The following ZNF143 variants were observed in gnomAD, a reference collection of about 807,000 sequenced individuals.
ZNF143 encodes zinc finger protein 143, also known as SPH-binding factor.
In ZNF143, 49 loss-of-function variants were observed where a neutral mutation model predicts 74.1. That is an observed-to-expected ratio of 0.66 (90% CI 0.53 to 0.84). The LOEUF is 0.84. Ranked by LOEUF, ZNF143 falls within the 40% of genes least tolerant of loss-of-function variation. The pLI is 0.00. For missense variants in ZNF143, 637 were observed against 793.4 expected, an observed-to-expected ratio of 0.80 and a Z score of 2.37; for synonymous variants, 304 against 282.8, an observed-to-expected ratio of 1.07 and a Z score of -0.75.
chr11:9,527,840 C>A lies in ZNF143; in HGVS notation c.*227C>A. On this transcript the variant is annotated 3_prime_UTR_variant, in exon 16 of 16. Transcript: ENST00000396602. The stretch of plus-strand genomic sequence containing the variant: ...TGTACAAGGAAGTATGAAATTAGGG[C>A]AATACAGTAAATTTTCATGTTACTC... 2 of 413,572 alleles carry A rather than the reference C, an allele frequency of 4.8e-6. No individual in the cohort carries two copies. Among genetic ancestry groups the A allele is most frequent in the South Asian group, 8.8e-5 (2 of 22,782 alleles). The allele number at this position is 413,572 out of a possible 1,614,324, so 25.6% of individuals were successfully genotyped here. A position where few individuals can be genotyped will look rare whatever the true frequency, so the allele number is the denominator to read the frequency against.
intron 4 of ZNF143, 116 bp downstream of exon 4, chr11:9,474,140 G>A (rs1856746650): frequency 1.2e-6 from 1 of 810,830 alleles, no homozygotes; most frequent in South Asian, 1.5e-5. Context: ...TCCTCCTTCT[G>A]TAAAGGGAGA....
chr11:9,473,555 T>G (rs1349958160), intron 3 of ZNF143, among the ~76,000 whole-genome samples: 2 of 152,202 alleles, frequency 1.3e-5, no homozygotes, highest in Non-Finnish European at 2.9e-5. Flanking sequence ...CCCTCAGGGA[T>G]GAGAATGACA....
chr11:9,493,403 G>C (rs1394847853), intron 7 of ZNF143, among the ~76,000 whole-genome samples: 1 of 152,008 alleles, frequency 6.6e-6, no homozygotes, highest in Non-Finnish European at 1.5e-5. Flanking sequence ...TTTATCAACA[G>C]ATCTACCTTT....
chr11:9,473,893 T>A (rs564388780), intron 3 of ZNF143, 48 bp from the exon 4 acceptor site: 8 of 1,613,068 alleles, frequency 5.0e-6, no homozygotes, highest in Admixed American at 3.3e-5. Context: ...GTATAAAGTT[T>A]AAAATTTTTG....
intron 7 of ZNF143, among the ~76,000 whole-genome samples, chr11:9,491,299 T>C (rs561733869): frequency 6.6e-6 from 1 of 152,244 alleles, no homozygotes; most frequent in South Asian, 2.1e-4. Context: ...GCTTTGTCAC[T>C]GTAATTTTTT....
chr11:9,476,196 C>T (rs1421526149), intron 5 of ZNF143, among the ~76,000 whole-genome samples: 1 of 151,676 alleles, frequency 6.6e-6, no homozygotes, highest in Admixed American at 6.6e-5. Context: ...CTTTTCTGTG[C>T]TTTAGTTTCA....
rs1848584967 is a variant in ZNF143 at position 9,512,500 on chromosome 11, A to G, written c.1428A>G (p.Val476=). The change falls in exon 13 of 16, where the codon GTA becomes GTG. Residue 476 remains valine, a synonymous_variant. Transcript: ENST00000396602. ...KGSQITYVTG[V]EGDDVVSTQV... is the part of the protein sequence containing the mutation. ...CCCAGATTACGTATGTTACAGGTGTAGAAGGGGACGACGTTGTTTCTACAC... is the reference window on the plus strand; with the variant it reads ...CCCAGATTACGTATGTTACAGGTGTGGAAGGGGACGACGTTGTTTCTACAC... 2 of 1,614,144 alleles carry G rather than the reference A, an allele frequency of 1.2e-6. No individual in the cohort carries two copies. Among genetic ancestry groups the G allele is most frequent in the African/African-American group, 2.7e-5 (2 of 74,956 alleles).
At chr11:9,518,585 A>C (rs1037911656) in intron 14 of ZNF143, among the ~76,000 whole-genome samples, 1 of 152,098 alleles carries the variant, frequency 6.6e-6, no homozygotes, top group African/African-American at 2.4e-5. Flanking sequence ...GCGTGGTGGC[A>C]GGGTGCCTGT....
At chr11:9,478,319 C>G in intron 5 of ZNF143, 71 bp from the exon 6 acceptor site, 1 of 1,515,172 alleles carries the variant, frequency 6.6e-7, no homozygotes, top group Non-Finnish European at 9.0e-7. Context: ...TCATTTCTCT[C>G]TTCCTTTAAA....
intron 11 of ZNF143, among the ~76,000 whole-genome samples, chr11:9,506,564 A>G (rs1848371635): frequency 6.6e-6 from 1 of 152,236 alleles, no homozygotes. Context: ...AGATTCTGAC[A>G]TAATTGTACT....
chr11:9,483,361 G>T (rs538478544), intron 7 of ZNF143, among the ~76,000 whole-genome samples: 1 of 136,962 alleles, frequency 7.3e-6, no homozygotes, highest in South Asian at 2.3e-4. Flanking sequence ...GCAGTGGCGC[G>T]ATCTCAGCTC....
chr11:9,462,912 G>A (rs763190606), intron 1 of ZNF143, among the ~76,000 whole-genome samples: 1 of 152,044 alleles, frequency 6.6e-6, no homozygotes, highest in South Asian at 2.1e-4. Context: ...TCAGAGTTGC[G>A]CAGCCATCAC....
chr11:9,486,442 AT>A (rs1480732008), intron 7 of ZNF143, among the ~76,000 whole-genome samples: 37 of 43,854 alleles, frequency 8.4e-4, no homozygotes, highest in Non-Finnish European at 1.5e-3. Flanking sequence ...TATATATAAT[AT>A]ATTATATATA....
At chr11:9,515,083 A>G (rs11042403) in intron 13 of ZNF143, among the ~76,000 whole-genome samples, 5,579 of 152,200 alleles carry the variant, frequency 0.037, 332 homozygotes, top group African/African-American at 0.13. Flanking sequence ...AGCCGAGATC[A>G]TGCCATTGCA....
At chr11:9,465,479 T>C (rs1856142552) in intron 1 of ZNF143, among the ~76,000 whole-genome samples, 1 of 151,722 alleles carries the variant, frequency 6.6e-6, no homozygotes, top group Non-Finnish European at 1.5e-5. Flanking sequence ...CCACCGTGCC[T>C]GGCTGGTACT....
chr11:9,488,183 G>A (rs926707223), intron 7 of ZNF143, among the ~76,000 whole-genome samples: 2 of 152,188 alleles, frequency 1.3e-5, no homozygotes, highest in African/African-American at 4.8e-5. Context: ...TTGTGAGGCG[G>A]AGGTTACAGT....
intron 7 of ZNF143, among the ~76,000 whole-genome samples, chr11:9,490,491 G>T (rs1276842450): frequency 6.6e-6 from 1 of 151,126 alleles, no homozygotes; most frequent in Non-Finnish European, 1.5e-5. Context: ...TTGCCATGTT[G>T]CCCAGGCTGG....
chr11:9,473,734 G>C (rs1189731368), intron 3 of ZNF143: 2 of 1,492,582 alleles, frequency 1.3e-6, no homozygotes, highest in Admixed American at 2.0e-5. Context: ...GAAAATTGCA[G>C]GGGAGGAAGG....
chr11:9,485,672 T>A (rs1187587823), intron 7 of ZNF143, among the ~76,000 whole-genome samples: 2 of 151,588 alleles, frequency 1.3e-5, no homozygotes, highest in African/African-American at 4.9e-5. Flanking sequence ...CTGGCAGTGC[T>A]GATGTGTCTC....
Sources: gnomAD v4.1 joint callset for allele counts (sites outside exome capture counted in the v4.1 genomes callset) on GRCh38, gnomAD v4.1.1 for gene constraint, MANE v1.5 for transcripts, NCBI Gene and HGNC (gene_info 2026-07-23, HGNC 2026-07-21) for gene names.